PAK5: variants seen among roughly 807,000 people sequenced by gnomAD.
PAK5 encodes serine/threonine-protein kinase PAK 5.
Under a neutral mutation model 65.9 loss-of-function variants are expected in PAK5, and 16 were observed. That is an observed-to-expected ratio of 0.24 (90% CI 0.16 to 0.37). The LOEUF (loss-of-function observed/expected upper bound fraction) is 0.37, where lower values mean the gene tolerates loss of function less well. Ranked by LOEUF, PAK5 falls within the 10% of genes least tolerant of loss-of-function variation. PAK5 has a pLI of 1.00. For synonymous variants in PAK5, 371 were observed against 354.9 expected, an observed-to-expected ratio of 1.05 and a Z score of -0.51; for missense variants, 785 against 903.9, an observed-to-expected ratio of 0.87 and a Z score of 1.69.
At chr20:9,739,835 T>C (rs181621692) in intron 1 of PAK5, among the ~76,000 whole-genome samples, 1 of 152,292 alleles carries the variant, frequency 6.6e-6, no homozygotes. Context: ...CTTCTCACCA[T>C]GATTCTCAAT....
intron 1 of PAK5, among the ~76,000 whole-genome samples, chr20:9,785,343 A>G (rs1291391284): frequency 6.6e-6 from 1 of 152,170 alleles, no homozygotes; most frequent in Non-Finnish European, 1.5e-5. Context: ...ACAACAACAA[A>G]ATGCAAACAG....
At chr20:9,574,197 G>A (rs565356232) in intron 4 of PAK5, among the ~76,000 whole-genome samples, 14 of 152,230 alleles carry the variant, frequency 9.2e-5, no homozygotes, top group African/African-American at 2.9e-4. Flanking sequence ...CCTATAACTC[G>A]TCTGTCTCTC....
At chr20:9,598,805 G>A (rs564033957) in intron 3 of PAK5, among the ~76,000 whole-genome samples, 76 of 152,146 alleles carry the variant, frequency 5.0e-4, no homozygotes, top group Non-Finnish European at 8.8e-4. Flanking sequence ...TGATGGGGCT[G>A]TATGTTTTTT....
intron 7 of PAK5, among the ~76,000 whole-genome samples, chr20:9,554,812 C>T (rs542315920): frequency 1.3e-5 from 2 of 152,232 alleles, no homozygotes; most frequent in East Asian, 3.9e-4. Flanking sequence ...AAACTCTGGA[C>T]AAAATGGCCA....
At chr20:9,815,019 C>A (rs976077416) in intron 1 of PAK5, among the ~76,000 whole-genome samples, 2 of 152,022 alleles carry the variant, frequency 1.3e-5, no homozygotes, top group African/African-American at 4.8e-5. Context: ...GGCAAAGAGG[C>A]GCTACTGTGT....
At chr20:9,555,602 T>A (rs1220119983) in intron 7 of PAK5, among the ~76,000 whole-genome samples, 1 of 152,178 alleles carries the variant, frequency 6.6e-6, no homozygotes, top group African/African-American at 2.4e-5. Flanking sequence ...ATTCTTGACC[T>A]TTTCTCATAG....
chr20:9,816,626 G>A (rs543795181), intron 1 of PAK5, among the ~76,000 whole-genome samples: 1 of 152,076 alleles, frequency 6.6e-6, no homozygotes, highest in Non-Finnish European at 1.5e-5. Context: ...CTGGTTCTCA[G>A]GTATTCTGAC....
At position 9,696,157 on chromosome 20, in the gene PAK5, ATTACAAT is replaced by A. The variant is rs553475385; in HGVS notation, c.-12+15122_-12+15128del. On this transcript the variant is annotated intron_variant, in intron 2 of 9. Transcript: ENST00000353224. ...GAATACAATGACCTCCTTTATAAAT[ATTACAAT>A]TTACATTATCTACAGATCAATCCAT... 1.3e-3 allele frequency among the ~76,000 whole-genome samples: 202 copies of A among 152,196 alleles called. 3 individuals are homozygous for A. The South Asian group carries it at 0.039, about 29-fold the overall frequency.
intron 2 of PAK5, among the ~76,000 whole-genome samples, chr20:9,670,806 C>A (rs930559656): frequency 2.0e-5 from 3 of 152,052 alleles, no homozygotes; most frequent in African/African-American, 7.2e-5. Context: ...TTTTGGCTTT[C>A]GTTGCCATTG....
chr20:9,752,141 G>C (rs6087010), intron 1 of PAK5, among the ~76,000 whole-genome samples: 1 of 152,130 alleles, frequency 6.6e-6, no homozygotes, highest in East Asian at 1.9e-4. Flanking sequence ...AGGTGACTAA[G>C]GAAGATGTGG....
chr20:9,555,031 T>C (rs1346387243), intron 7 of PAK5, among the ~76,000 whole-genome samples: 6 of 152,196 alleles, frequency 3.9e-5, no homozygotes, highest in Admixed American at 2.6e-4. Flanking sequence ...GGAAACTTAG[T>C]ATTTATCACC....
At chr20:9,736,325 G>A (rs970188682) in intron 1 of PAK5, among the ~76,000 whole-genome samples, 1 of 152,102 alleles carries the variant, frequency 6.6e-6, no homozygotes, top group African/African-American at 2.4e-5. Flanking sequence ...CTAGTGAAGA[G>A]GATACAAAGG....
chr20:9,642,645 G>C (rs957948570), intron 3 of PAK5, among the ~76,000 whole-genome samples: 4 of 152,188 alleles, frequency 2.6e-5, no homozygotes, highest in Non-Finnish European at 4.4e-5. Context: ...CATTAGTGAA[G>C]TGCTAGCCTT....
intron 1 of PAK5, among the ~76,000 whole-genome samples, chr20:9,760,168 T>G (rs548513355): frequency 1.9e-4 from 29 of 152,330 alleles, no homozygotes; most frequent in Non-Finnish European, 3.1e-4. Flanking sequence ...TTTCAATAAC[T>G]GAAGTACTAC....
chr20:9,551,523 C>A (rs8121083), intron 7 of PAK5, among the ~76,000 whole-genome samples: 1 of 151,864 alleles, frequency 6.6e-6, no homozygotes, highest in African/African-American at 2.4e-5. Context: ...GGGTTGGGGG[C>A]TAGTGAGAGT....
At chr20:9,734,853 G>C (rs886755456) in intron 1 of PAK5, among the ~76,000 whole-genome samples, 3 of 152,204 alleles carry the variant, frequency 2.0e-5, no homozygotes, top group African/African-American at 7.2e-5. Context: ...ACTGGTGAGA[G>C]AAGATGCTAT....
chr20:9,685,398 G>T (rs528291589), intron 2 of PAK5, among the ~76,000 whole-genome samples: 2 of 152,146 alleles, frequency 1.3e-5, no homozygotes, highest in South Asian at 2.1e-4. Flanking sequence ...ATGTCTGGTG[G>T]CCTTATAGAA....
intron 2 of PAK5, among the ~76,000 whole-genome samples, chr20:9,687,225 T>C (rs1408874803): frequency 3.3e-5 from 5 of 152,202 alleles, no homozygotes; most frequent in African/African-American, 1.2e-4. Flanking sequence ...TCAATGTCTA[T>C]GGGTGGCGCT....
At chr20:9,602,362 GA>G (rs1196517953) in intron 3 of PAK5, among the ~76,000 whole-genome samples, 1 of 152,046 alleles carries the variant, frequency 6.6e-6, no homozygotes, top group Non-Finnish European at 1.5e-5. Flanking sequence ...AGTAATGTCT[GA>G]ATGCAGACCC....
Sources: allele counts gnomAD v4.1 joint callset (sites outside exome capture counted in the v4.1 genomes callset), GRCh38; gene constraint gnomAD v4.1.1; transcripts MANE v1.5; gene names NCBI Gene and HGNC (gene_info 2026-07-23, HGNC 2026-07-21).